CDH8: variants seen among roughly 807,000 people sequenced by gnomAD.
CDH8 encodes cadherin 8, also known as cadherin-8.
Under a neutral mutation model 68.1 loss-of-function variants are expected in CDH8, and 17 were observed. That is an observed-to-expected ratio of 0.25 (90% confidence interval 0.17 to 0.37). The LOEUF is 0.37. Among genes scored for constraint, CDH8 ranks in the 10% least tolerant of loss-of-function variants. The pLI is 1.00. For synonymous variants in CDH8, 372 were observed against 365.1 expected (o/e 1.02, Z -0.21); for missense variants, 763 against 999.3 (o/e 0.76, Z 3.19).
At chr16:61,893,148 TC>T (rs1963806593) in intron 3 of CDH8, among the ~76,000 whole-genome samples, 1 of 152,086 alleles carries the variant, frequency 6.6e-6, no homozygotes, top group Admixed American at 6.6e-5. Context: ...TCCTGGTTCT[TC>T]TTGGCTGTGG....
In CDH8 at chr16:61,647,726, T is replaced by C. The variant is rs1215827988; in HGVS notation, c.*5882A>G. The C allele has an allele frequency of 7.3e-6, 5 of 686,786 alleles. No homozygotes were observed. 42.5% of individuals were successfully genotyped at this position (686,786 alleles called of 1,614,324 possible). On this transcript the variant is annotated 3_prime_UTR_variant, in exon 12 of 12. Transcript: ENST00000577390. ...AATCATAGGATGGCCTGAAGTTCTT[T>C]GCATGTACAGAAGAAATCCCAAGAA...
At chr16:61,975,308 G>C (rs1164047010) in intron 2 of CDH8, among the ~76,000 whole-genome samples, 1 of 152,098 alleles carries the variant, frequency 6.6e-6, no homozygotes, top group African/African-American at 2.4e-5. Flanking sequence ...AGGCTGCTCA[G>C]GATTTTGACA....
At chr16:61,943,122 A>C (rs1267414952) in intron 2 of CDH8, among the ~76,000 whole-genome samples, 2 of 152,188 alleles carry the variant, frequency 1.3e-5, no homozygotes, top group East Asian at 3.8e-4. Context: ...AATATTTTCC[A>C]GAAATCCCAA....
At chr16:61,959,542 CTG>C (rs1555524710) in intron 2 of CDH8, among the ~76,000 whole-genome samples, 4 of 104,732 alleles carry the variant, frequency 3.8e-5, no homozygotes, top group Admixed American at 9.0e-5. Flanking sequence ...CTCTCTCTCT[CTG>C]TGTGTGTGTG....
intron 2 of CDH8, among the ~76,000 whole-genome samples, chr16:61,915,888 TG>T (rs972709817): frequency 2.6e-5 from 4 of 151,844 alleles, no homozygotes; most frequent in African/African-American, 7.3e-5. Flanking sequence ...AGGTAGGGGG[TG>T]GGGCATTTGC....
chr16:61,896,276 T>C (rs1388668977), intron 3 of CDH8, among the ~76,000 whole-genome samples: 4 of 152,236 alleles, frequency 2.6e-5, no homozygotes, highest in African/African-American at 9.6e-5. Flanking sequence ...ATTTCTAAAA[T>C]AATTTGGCTG....
At chr16:61,946,593 T>C (rs1964804514) in intron 2 of CDH8, among the ~76,000 whole-genome samples, 1 of 152,208 alleles carries the variant, frequency 6.6e-6, no homozygotes, top group African/African-American at 2.4e-5. Context: ...AATAGAATCA[T>C]GCTTATTTAA....
At chr16:61,702,339 T>A (rs1373994401) in intron 10 of CDH8, among the ~76,000 whole-genome samples, 1 of 150,114 alleles carries the variant, frequency 6.7e-6, no homozygotes, top group Non-Finnish European at 1.5e-5. Context: ...GCCACTGCAC[T>A]CCAGCCTGGG....
intron 7 of CDH8, among the ~76,000 whole-genome samples, chr16:61,795,749 C>T (rs758604712): frequency 6.6e-6 from 1 of 152,006 alleles, no homozygotes; most frequent in Non-Finnish European, 1.5e-5. Context: ...AAAGTATTTC[C>T]AAACTCTTCG....
At chr16:61,870,719 T>C (rs1486918777) in intron 3 of CDH8, among the ~76,000 whole-genome samples, 1 of 152,148 alleles carries the variant, frequency 6.6e-6, no homozygotes, top group Non-Finnish European at 1.5e-5. Flanking sequence ...CCTCCAGAGG[T>C]CCTGACAACA....
intron 3 of CDH8, among the ~76,000 whole-genome samples, chr16:61,877,815 T>A (rs1963491986): frequency 1.3e-5 from 2 of 152,118 alleles, no homozygotes. Flanking sequence ...GAATTTTGCT[T>A]CCTTCAAGGA....
At chr16:61,840,854 A>T (rs1462398030) in intron 4 of CDH8, among the ~76,000 whole-genome samples, 3 of 152,166 alleles carry the variant, frequency 2.0e-5, no homozygotes, top group Non-Finnish European at 2.9e-5. Context: ...TAGGTGCAGC[A>T]AACCACCATG....
chr16:61,901,497 T>G, intron 2 of CDH8, 24 bp from the exon 3 acceptor site: 1 of 1,579,726 alleles, frequency 6.3e-7, no homozygotes, highest in Non-Finnish European at 8.6e-7. Context: ...TGGCATTAGT[T>G]AGTGATGGAG....
At position 61,827,121 on chromosome 16, in the gene CDH8, C is replaced by G. The variant is rs1216497037; in HGVS notation, c.668-1942G>C. Among the ~76,000 whole-genome samples, 3 of 151,800 alleles carry G rather than the reference C, an allele frequency of 2.0e-5. No homozygotes were observed. The East Asian group carries it at 5.8e-4, about 29-fold the overall frequency. On this transcript the variant is annotated intron_variant, in intron 4 of 11. Coordinates refer to ENST00000577390, the MANE Select transcript of CDH8 (RefSeq NM_001796.5). ...AAAGACAACAACCTCATTATATTAG[C>G]ATGTTGAGATACCAAGATAGCTACT...
intron 8 of CDH8, among the ~76,000 whole-genome samples, chr16:61,762,305 T>C (rs938479566): frequency 6.6e-6 from 1 of 152,198 alleles, no homozygotes; most frequent in African/African-American, 2.4e-5. Context: ...TTGTACTATA[T>C]AGTTTTGTAA....
chr16:61,892,906 G>C (rs1355449678), intron 3 of CDH8, among the ~76,000 whole-genome samples: 1 of 152,110 alleles, frequency 6.6e-6, no homozygotes, highest in Admixed American at 6.6e-5. Context: ...AAACCAAAAT[G>C]AAGCCTGAGT....
intron 9 of CDH8, among the ~76,000 whole-genome samples, chr16:61,721,594 G>A (rs1369265173): frequency 3.3e-5 from 5 of 150,334 alleles, no homozygotes; most frequent in Non-Finnish European, 7.5e-5. Flanking sequence ...TTCATTTAAG[G>A]TTTCATGAAA....
At chr16:61,960,498 G>A (rs1257369193) in intron 2 of CDH8, among the ~76,000 whole-genome samples, 1 of 151,964 alleles carries the variant, frequency 6.6e-6, no homozygotes, top group Non-Finnish European at 1.5e-5. Flanking sequence ...CACAAAGTCT[G>A]TCACATTGCC....
Position 61,963,669 on chromosome 16 carries a change from C to A in CDH8, c.252+57483G>T, listed in dbSNP as rs140447636. Among the ~76,000 whole-genome samples the A allele has an allele frequency of 1.3e-3, 204 of 152,284 alleles. 1 individual carries two copies. In the East Asian group the frequency reaches 0.035, roughly 26 times the overall value. ...TGAAAGAGAAAGGAAGAGGTCATGCCTTGGGAAATAACAAACTACCCACTT... is the reference window on the plus strand; with the variant it reads ...TGAAAGAGAAAGGAAGAGGTCATGCATTGGGAAATAACAAACTACCCACTT... On this transcript the variant is annotated intron_variant, in intron 2 of 11. Transcript: ENST00000577390.
Sources: gnomAD v4.1 joint callset for allele counts (sites outside exome capture counted in the v4.1 genomes callset) on GRCh38, gnomAD v4.1.1 for gene constraint, MANE v1.5 for transcripts, NCBI Gene and HGNC (gene_info 2026-07-23, HGNC 2026-07-21) for gene names.